The following SLC25A17 variants were observed in gnomAD, a reference collection of about 807,000 sequenced individuals.
SLC25A17 encodes the protein peroxisomal membrane protein PMP34.
SLC25A17 carries 26 observed loss-of-function variants against 38.5 expected under a neutral mutation model. The ratio of observed to expected loss-of-function variants is 0.68; its 90% confidence interval spans 0.50 to 0.94. SLC25A17 has a LOEUF of 0.94. SLC25A17 is among the 40% of genes least tolerant of loss of function. SLC25A17 has a pLI of 0.00. For synonymous variants in SLC25A17, 139 were observed against 136.2 expected, an observed-to-expected ratio of 1.02 and a Z score of -0.14; for missense variants, 333 against 372.7, an observed-to-expected ratio of 0.89 and a Z score of 0.88.
chr22:40,810,601 C>A (rs907289491), intron 1 of SLC25A17, among the ~76,000 whole-genome samples: 1 of 152,092 alleles, frequency 6.6e-6, no homozygotes, highest in Non-Finnish European at 1.5e-5. Context: ...CCCACCTTGG[C>A]CTCCCAGAGT....
intron 1 of SLC25A17, among the ~76,000 whole-genome samples, chr22:40,811,341 T>C (rs2057579162): frequency 1.3e-5 from 2 of 151,960 alleles, no homozygotes; most frequent in Admixed American, 1.3e-4. Context: ...TCTACCCGTC[T>C]CAGACTCCCG....
At chr22:40,803,424 C>G (rs1173240605) in intron 1 of SLC25A17, among the ~76,000 whole-genome samples, 1 of 152,218 alleles carries the variant, frequency 6.6e-6, no homozygotes, top group East Asian at 1.9e-4. Flanking sequence ...CTGTGCCTGG[C>G]TTACTTCACT....
intron 1 of SLC25A17, among the ~76,000 whole-genome samples, chr22:40,810,212 T>G (rs2057567190): frequency 6.6e-6 from 1 of 152,190 alleles, no homozygotes; most frequent in Non-Finnish European, 1.5e-5. Context: ...TCTTTTTGTA[T>G]ACTGGTGGTC....
At chr22:40,776,385 G>C in intron 7 of SLC25A17, 2 of 430,260 alleles carry the variant, frequency 4.6e-6, no homozygotes, top group South Asian at 3.5e-5. Context: ...GTGAACTAAA[G>C]GAATTAACCT....
At position 40,787,739 on chromosome 22, in the gene SLC25A17, G is replaced by GACAACA. The variant is rs573166990; in HGVS notation, c.334+4780_334+4785dup. Among the ~76,000 whole-genome samples, 1,301 of 150,646 alleles carry GACAACA rather than the reference G, an allele frequency of 8.6e-3. 20 individuals carry two copies. The highest frequency in any genetic ancestry group is 0.03 in the African/African-American group (1,242 of 40,910). The stretch of plus-strand genomic sequence containing the variant: ...GAAAAACACTTATTTTACTGTCTTC[G>GACAACA]ACAACAACAACAACAACAACAAAGA... On this transcript the variant is annotated intron_variant, in intron 4 of 8. Transcript: ENST00000435456.
chr22:40,773,805 C>T (rs759191612), intron 8 of SLC25A17, 132 bp downstream of exon 8: 6 of 708,150 alleles, frequency 8.5e-6, no homozygotes, highest in Non-Finnish European at 1.5e-5. Flanking sequence ...TGTCTAAGCA[C>T]AGCAAGCAAG....
At chr22:40,779,823 G>C (rs573952487) in intron 4 of SLC25A17, 2 of 152,620 alleles carry the variant, frequency 1.3e-5, no homozygotes, top group South Asian at 4.1e-4. Context: ...AATGAGCCAG[G>C]TGCTTCTTTT....
intron 7 of SLC25A17, 41 bp downstream of exon 7, chr22:40,776,999 A>C (rs775220891): frequency 4.0e-5 from 60 of 1,518,968 alleles, no homozygotes; most frequent in Non-Finnish European, 4.8e-5. Flanking sequence ...CATGTATTCG[A>C]ATGCTGTTTG....
chr22:40,811,122 G>A (rs1215519838), intron 1 of SLC25A17, among the ~76,000 whole-genome samples: 1 of 151,910 alleles, frequency 6.6e-6, no homozygotes, highest in African/African-American at 2.4e-5. Flanking sequence ...GTAGAGACAG[G>A]GTTTTGCCAT....
chr22:40,792,666 AT>A lies in SLC25A17; in HGVS notation c.192del (p.Tyr65IlefsTer7). On this transcript the variant is annotated frameshift_variant, in exon 4 of 9. Coordinates refer to ENST00000435456, the MANE Select transcript of SLC25A17 (RefSeq NM_006358.4). LOFTEE classifies it high-confidence loss of function. ...EIIKEEGLLAPYRGWFPVISS... is the reference protein window; with the variant it reads ...EIIKEEGLLAXYRGWFPVISS... ...GAAATCACTGGAAACCACCCTCGAT[AT>A]GGTGCCAGGCTAGGGGAAAAACACA... 6.2e-7 allele frequency: 1 copy of A among 1,614,036 alleles called. No homozygotes were observed. Among genetic ancestry groups the A allele is most frequent in the Non-Finnish European group, 8.5e-7 (1 of 1,179,940 alleles).
chr22:40,792,056 AAAGT>A (rs1365983971), intron 4 of SLC25A17, among the ~76,000 whole-genome samples: 1 of 152,232 alleles, frequency 6.6e-6, no homozygotes, highest in African/African-American at 2.4e-5. Context: ...CAGTCATAAA[AAAGT>A]AAGGAAGTCA....
At position 40,779,725 on chromosome 22, in the gene SLC25A17, C is replaced by G. The variant is rs551451370; in HGVS notation, c.335-600G>C. 1.6e-4 allele frequency: 25 copies of G among 156,324 alleles called. No homozygotes were observed. In the South Asian group the frequency reaches 4.9e-3, roughly 31 times the overall value. 9.7% of individuals were successfully genotyped at this position (156,324 alleles called of 1,614,324 possible). ...GCATCAGGTAAGTGTCACAAAACAC[C>G]TGAAACAGCTTCACAAGCATCATGA... On this transcript the variant is annotated intron_variant, in intron 4 of 8. Coordinates refer to ENST00000435456, the MANE Select transcript of SLC25A17 (RefSeq NM_006358.4).
At chr22:40,775,432 G>T (rs1236596698) in intron 7 of SLC25A17, among the ~76,000 whole-genome samples, 1 of 118,686 alleles carries the variant, frequency 8.4e-6, no homozygotes, top group African/African-American at 3.2e-5. Context: ...CATGAGATCT[G>T]ATGGTTTTTT....
chr22:40,785,933 C>A (rs558504986), intron 4 of SLC25A17, among the ~76,000 whole-genome samples: 2 of 152,196 alleles, frequency 1.3e-5, no homozygotes, highest in East Asian at 3.9e-4. Flanking sequence ...CTGTACCCAG[C>A]CCTCATTCAT....
chr22:40,781,335 T>C (rs1482271814), intron 4 of SLC25A17, among the ~76,000 whole-genome samples: 3 of 151,056 alleles, frequency 2.0e-5, no homozygotes, highest in African/African-American at 7.3e-5. Context: ...AAGCTCCGCC[T>C]CCCCGGCTCA....
At chr22:40,794,117 G>A (rs765236343) in intron 3 of SLC25A17, among the ~76,000 whole-genome samples, 70 of 152,122 alleles carry the variant, frequency 4.6e-4, no homozygotes, top group Admixed American at 2.0e-4. Context: ...GTTTAGTTTT[G>A]CAAATTTTTG....
chr22:40,816,798 A>G (rs2057645315), intron 1 of SLC25A17, among the ~76,000 whole-genome samples: 1 of 151,812 alleles, frequency 6.6e-6, no homozygotes, highest in African/African-American at 2.4e-5. Context: ...TTTAGTAGAG[A>G]CGGGGTTTCA....
At chr22:40,796,615 C>CAAA (rs766239207) in intron 2 of SLC25A17, among the ~76,000 whole-genome samples, 14 of 96,456 alleles carry the variant, frequency 1.5e-4, no homozygotes, top group African/African-American at 4.7e-4. Context: ...GACTCTGTCT[C>CAAA]AAAAAAAAAA....
At chr22:40,796,314 T>C in intron 2 of SLC25A17, among the ~76,000 whole-genome samples, 1 of 152,108 alleles carries the variant, frequency 6.6e-6, no homozygotes, top group Non-Finnish European at 1.5e-5. Flanking sequence ...CAGTATGGCT[T>C]GTGGGATGGC....
Sources: gnomAD v4.1 joint callset for allele counts (sites outside exome capture counted in the v4.1 genomes callset) on GRCh38, gnomAD v4.1.1 for gene constraint, MANE v1.5 for transcripts, NCBI Gene and HGNC (gene_info 2026-07-23, HGNC 2026-07-21) for gene names.